Variants in VAV1 observed in about 807,000 individuals in gnomAD.
VAV1 encodes vav guanine nucleotide exchange factor 1.
VAV1 carries 33 observed loss-of-function variants against 128.1 expected under a neutral mutation model. The observed-to-expected ratio is 0.26, with a 90% CI of 0.20 to 0.34. The LOEUF (loss-of-function observed/expected upper bound fraction) is 0.34, where lower values mean the gene tolerates loss of function less well. Among genes scored for constraint, VAV1 ranks in the 10% least tolerant of loss-of-function variants. VAV1 has a pLI of 1.00. For synonymous variants in VAV1, 394 were observed against 409.8 expected, an observed-to-expected ratio of 0.96 and a Z score of 0.47; for missense variants, 715 against 1,093.7, an observed-to-expected ratio of 0.65 and a Z score of 4.88.
intron 14 of VAV1, among the ~76,000 whole-genome samples, chr19:6,830,591 C>G (rs8112277): frequency 0.015 from 2,324 of 152,050 alleles, 71 homozygotes; most frequent in African/African-American, 0.054. Flanking sequence ...GGGCACCCAC[C>G]ACCATGCCCA....
rs753411061 is a variant in VAV1, at chr19:6,833,603, T to C, written c.1686T>C (p.Pro562=). ...ACAAGGAGTGTCTGGGGAGGGTCCC[T>C]CCATGTGGCCGACATGGGCAAGGTA... ...SAHKECLGRV[P]PCGRHGQDFP... is the part of the protein sequence containing the mutation. The change falls in exon 17 of 27, where the codon CCT becomes CCC. Residue 562 remains proline (P), a synonymous_variant. Coordinates refer to ENST00000602142, the MANE Select transcript of VAV1 (RefSeq NM_005428.4). The C allele has an allele frequency of 1.9e-6, 3 of 1,613,870 alleles. No homozygotes were observed. The highest frequency in any genetic ancestry group is 1.1e-5 in the South Asian group (1 of 91,062).
At chr19:6,827,965 C>T (rs1971959034) in intron 9 of VAV1, 111 bp from the exon 10 acceptor site, 11 of 880,472 alleles carry the variant, frequency 1.2e-5, no homozygotes, top group Non-Finnish European at 2.0e-5. Context: ...ATTCCCACAG[C>T]TCTGGGGTGG....
intron 1 of VAV1, among the ~76,000 whole-genome samples, chr19:6,818,691 T>C (rs1216393488): frequency 1.3e-5 from 2 of 152,318 alleles, no homozygotes; most frequent in Non-Finnish European, 2.9e-5. Flanking sequence ...TAATGCACTG[T>C]GACTGATGTC....
At chr19:6,847,498 T>C (rs1972553414) in intron 22 of VAV1, among the ~76,000 whole-genome samples, 1 of 152,182 alleles carries the variant, frequency 6.6e-6, no homozygotes, top group Non-Finnish European at 1.5e-5. Flanking sequence ...GCTTCCCTTT[T>C]GATGGCTGAC....
chr19:6,806,582 G>A (rs959769062), intron 1 of VAV1, among the ~76,000 whole-genome samples: 3 of 152,164 alleles, frequency 2.0e-5, no homozygotes, highest in Non-Finnish European at 4.4e-5. Flanking sequence ...AGCTGCAGTT[G>A]CTCCAGACCG....
chr19:6,827,611 T>C (rs1212618831), intron 9 of VAV1, among the ~76,000 whole-genome samples: 1 of 152,104 alleles, frequency 6.6e-6, no homozygotes, highest in Non-Finnish European at 1.5e-5. Context: ...TTTGTCTTTG[T>C]TTTTTGAGAT....
chr19:6,791,878 GC>G (rs1971025992), intron 1 of VAV1, among the ~76,000 whole-genome samples: 2 of 152,134 alleles, frequency 1.3e-5, no homozygotes, highest in South Asian at 4.1e-4. Context: ...CTGTGCAAAT[GC>G]CCTAAGGTGA....
At chr19:6,794,795 G>T (rs540892354) in intron 1 of VAV1, among the ~76,000 whole-genome samples, 1 of 152,248 alleles carries the variant, frequency 6.6e-6, no homozygotes, top group East Asian at 1.9e-4. Context: ...CATGATTTTT[G>T]ATTCTCACAG....
chr19:6,853,165 C>A, intron 25 of VAV1, 86 bp downstream of exon 25: 1 of 1,207,210 alleles, frequency 8.3e-7, no homozygotes, highest in Non-Finnish European at 1.2e-6. Context: ...ACACCCCTTC[C>A]AATGGCCTTG....
At position 6,778,761 on chromosome 19, in the gene VAV1, G is replaced by T. The variant is rs114883015; in HGVS notation, c.204+5750G>T. Among the ~76,000 whole-genome samples the T allele has an allele frequency of 6.0e-3, 911 of 151,178 alleles. 9 individuals carry two copies. Among genetic ancestry groups the T allele is most frequent in the African/African-American group, 0.021 (872 of 40,946 alleles). ...ACAAAACAAAACAAAACCCAATTTT[G>T]CCTGGGTGTGGTGGCTCGTGCCTGT... On this transcript the variant is annotated intron_variant, in intron 1 of 26. Transcript: ENST00000602142.
At chr19:6,812,762 A>G (rs1424979383) in intron 1 of VAV1, among the ~76,000 whole-genome samples, 2 of 152,148 alleles carry the variant, frequency 1.3e-5, no homozygotes, top group Non-Finnish European at 2.9e-5. Context: ...GCTCATGGTC[A>G]TGAATACTAT....
intron 23 of VAV1, among the ~76,000 whole-genome samples, chr19:6,849,495 T>G (rs1599682136): frequency 9.9e-6 from 1 of 100,904 alleles, no homozygotes; most frequent in African/African-American, 3.9e-5. Flanking sequence ...GGGTGGGGGG[T>G]GGGGGGAAAG....
intron 19 of VAV1, among the ~76,000 whole-genome samples, chr19:6,834,635 GTAATAATATATTA>G (rs1479176686): frequency 7.0e-6 from 1 of 142,958 alleles, no homozygotes; most frequent in East Asian, 2.0e-4. Flanking sequence ...ATATAATATA[GTAATAATATATTA>G]TAATAATATA....
chr19:6,826,870 G>C lies in VAV1; in HGVS notation c.927+159G>C. On this transcript the variant is annotated intron_variant, in intron 9 of 26. Coordinates refer to ENST00000602142, the MANE Select transcript of VAV1 (RefSeq NM_005428.4). The surrounding 1 kb of genome is among the most constrained non-coding windows in gnomAD (Gnocchi z 4.1). ...GGGAGGTACTAGCCAGCCAAGCAGA[G>C]GAAATGGAGAAGAACAGAAATGGGC... 1 of 644,888 alleles carries C rather than the reference G, an allele frequency of 1.6e-6. No homozygotes were observed. The allele number at this position is 644,888 out of a possible 1,614,324, so 39.9% of individuals were successfully genotyped here.
At chr19:6,852,866 G>T in intron 24 of VAV1, 99 bp from the exon 25 acceptor site, 1 of 889,304 alleles carries the variant, frequency 1.1e-6, no homozygotes, top group Non-Finnish European at 1.8e-6. Context: ...CAGAAACAGG[G>T]CCTGCTTCAT....
Position 6,824,121 on chromosome 19 carries a change from T to G in VAV1, c.655-932T>G, listed in dbSNP as rs183253148. ...CCCTGCTTAATTCTTTAATTTTTTTTGTAGATATGGGGTCTTGCTATGTTG... is the reference window on the plus strand; with the variant it reads ...CCCTGCTTAATTCTTTAATTTTTTTGGTAGATATGGGGTCTTGCTATGTTG... On this transcript the variant is annotated intron_variant, in intron 6 of 26. Coordinates refer to ENST00000602142, the MANE Select transcript of VAV1 (RefSeq NM_005428.4). Among the ~76,000 whole-genome samples the G allele has an allele frequency of 2.8e-3, 429 of 152,052 alleles. 1 individual carries two copies. The highest frequency in any genetic ancestry group is 9.8e-3 in the African/African-American group (405 of 41,464).
In VAV1 at chr19:6,854,097, G is replaced by A. The variant is rs199788005; in HGVS notation, c.2483G>A (p.Arg828Gln). Residue 828 changes from arginine (R) to glutamine (Q), a missense_variant and splice_region_variant, in exon 26 of 27, where the codon CGG becomes CAG. Arg to Gln is a conservative substitution (Grantham distance 43). This residue lies in a region of VAV1 where 407 missense variants were observed against 580.6 expected (regional missense o/e 0.70). Coordinates refer to ENST00000602142, the MANE Select transcript of VAV1 (RefSeq NM_005428.4). ...TGGTGGCGAGGGGAGATCTATGGCC[G>A]GGTGAGGCAGGCAGGGCTGGGTGAC... ...QGWWRGEIYG[R>Q]VGWFPANYVE... 2.9e-5 allele frequency: 47 copies of A among 1,612,474 alleles called. No individual in the cohort carries two copies. Among genetic ancestry groups the A allele is most frequent in the Admixed American group, 2.8e-4 (17 of 59,974 alleles).
At chr19:6,819,362 T>C (rs749591622) in intron 1 of VAV1, among the ~76,000 whole-genome samples, 4 of 152,236 alleles carry the variant, frequency 2.6e-5, no homozygotes, top group Non-Finnish European at 4.4e-5. Flanking sequence ...TATCACAGAA[T>C]GGGACCTGTG....
At chr19:6,809,674 G>T (rs1971474618) in intron 1 of VAV1, among the ~76,000 whole-genome samples, 2 of 152,172 alleles carry the variant, frequency 1.3e-5, no homozygotes, top group African/African-American at 4.8e-5. Flanking sequence ...GGTTAGATTT[G>T]CTGTATGAAG....
Sources: gnomAD v4.1 joint callset for allele counts (sites outside exome capture counted in the v4.1 genomes callset) on GRCh38, gnomAD v4.1.1 for gene constraint, gnomAD v4.1.1 regional missense constraint, Gnocchi (gnomAD v3.1) non-coding constraint, MANE v1.5 for transcripts, NCBI Gene and HGNC (gene_info 2026-07-23, HGNC 2026-07-21) for gene names.